The following RIC8B variants were observed in gnomAD, a reference collection of about 807,000 sequenced individuals.
RIC8B encodes chaperone Ric-8B.
Under a neutral mutation model 57.5 loss-of-function variants are expected in RIC8B, and 16 were observed. That is an observed-to-expected ratio of 0.28 (90% CI 0.19 to 0.42). RIC8B has a LOEUF of 0.42. Ranked by LOEUF, RIC8B falls within the 10% of genes least tolerant of loss-of-function variation. The pLI, the probability that RIC8B is intolerant of heterozygous loss-of-function variation, is 1.00. For synonymous variants in RIC8B, 216 were observed against 250.8 expected (o/e 0.86, Z 1.31); for missense variants, 481 against 677.0 (o/e 0.71, Z 3.21).
rs553259321 is a variant in RIC8B, at chr12:106,778,364, A to G, written c.84+3535A>G. Among the ~76,000 whole-genome samples, 3 of 152,334 alleles carry G rather than the reference A, an allele frequency of 2.0e-5. No homozygotes were observed. In the East Asian group the frequency reaches 5.8e-4, roughly 29 times the overall value. ...GAGAGAGGAAATATGTATCTATCCC[A>G]GAAAGAATGAAACTTGTCTGTTTGT... On this transcript the variant is annotated intron_variant, in intron 1 of 9. Coordinates refer to ENST00000392837, the MANE Select transcript of RIC8B (RefSeq NM_001330145.2).
In RIC8B at chr12:106,784,063, CTGTGAATGTTTA is replaced by C; in HGVS notation, c.132+24_132+35del. The C allele has an allele frequency of 6.2e-7, 1 of 1,609,960 alleles. No homozygotes were observed. Among genetic ancestry groups the C allele is most frequent in the South Asian group, 1.1e-5 (1 of 90,836 alleles). ...AAGAAAGGTAAGCCTTGGTGTTGCT[CTGTGAATGTTTA>C]TGTGTGTGTGTATTGCATTCATGGA... On this transcript the variant is annotated intron_variant, in intron 2 of 9. Transcript: ENST00000392837.
intron 7 of RIC8B, among the ~76,000 whole-genome samples, chr12:106,852,025 T>G (rs1394496560): frequency 6.6e-6 from 1 of 152,206 alleles, no homozygotes; most frequent in Non-Finnish European, 1.5e-5. Flanking sequence ...CAATCAGTAC[T>G]TACTGAATGT....
chr12:106,873,044 A>G (rs559960584), intron 9 of RIC8B: 2 of 985,414 alleles, frequency 2.0e-6, no homozygotes, highest in South Asian at 4.7e-5. Context: ...GAATCCACAT[A>G]TTCTAGAAGC....
At chr12:106,784,095 C>T in intron 2 of RIC8B, 51 bp downstream of exon 2, 1 of 1,479,954 alleles carries the variant, frequency 6.8e-7, no homozygotes, top group Non-Finnish European at 9.4e-7. Flanking sequence ...GTATTGCATT[C>T]ATGGACTTTC....
At chr12:106,885,872 T>A (rs1420782376) in intron 9 of RIC8B, 32 bp from the exon 10 acceptor site, 1 of 1,463,196 alleles carries the variant, frequency 6.8e-7, no homozygotes, top group Admixed American at 1.7e-5. Context: ...GGTGAATACT[T>A]TTTTTTCTCT....
At chr12:106,845,514 C>T (rs1393484657) in intron 6 of RIC8B, among the ~76,000 whole-genome samples, 3 of 152,230 alleles carry the variant, frequency 2.0e-5, no homozygotes, top group Admixed American at 6.5e-5. Context: ...ATTGCTACTT[C>T]TGTGGCCAGC....
chr12:106,830,570 G>A (rs1327029697), intron 4 of RIC8B, among the ~76,000 whole-genome samples: 1 of 152,146 alleles, frequency 6.6e-6, no homozygotes, highest in Non-Finnish European at 1.5e-5. Context: ...GGTTTGGATT[G>A]GTTTTGTTGT....
chr12:106,842,838 G>A, intron 5 of RIC8B, 21 bp downstream of exon 5: 1 of 1,464,016 alleles, frequency 6.8e-7, no homozygotes, highest in Non-Finnish European at 9.5e-7. Context: ...TAAAATGGAA[G>A]CCCTGGGAAG....
chr12:106,853,917 T>C (rs1949602903), intron 7 of RIC8B, among the ~76,000 whole-genome samples: 1 of 152,204 alleles, frequency 6.6e-6, no homozygotes, highest in South Asian at 2.1e-4. Context: ...CATGTATTAC[T>C]TACTTTTTTA....
chr12:106,851,709 G>T (rs1305645950), intron 7 of RIC8B, 115 bp downstream of exon 7: 5 of 895,308 alleles, frequency 5.6e-6, no homozygotes, highest in Non-Finnish European at 8.3e-6. Context: ...CTTACTGTCT[G>T]TTCTATTAGA....
rs1950211002 is a variant in RIC8B at position 106,867,981 on chromosome 12, A to C, written c.1452-2842A>C. On this transcript the variant is annotated intron_variant, in intron 8 of 9. Transcript: ENST00000392837. The surrounding 1 kb of genome is among the most constrained non-coding windows in gnomAD (Gnocchi z 4.3). ...ATTTCTGCCTTCTGCTTTTATACTC[A>C]GATAGCAAGAATTGTGTTACTTTAG... Among the ~76,000 whole-genome samples the C allele has an allele frequency of 6.6e-6, 1 of 152,104 alleles. No individual in the cohort carries two copies. Among genetic ancestry groups the C allele is most frequent in the Non-Finnish European group, 1.5e-5 (1 of 68,032 alleles).
chr12:106,791,534 C>T lies in RIC8B; in HGVS notation c.132+7490C>T, dbSNP rs182954937. ...TTTGGGGCAGTATTATCGGCAGAGC[C>T]AGTTTATGGAGTGAAATATATATAA... is the stretch of plus-strand genomic sequence containing the variant. On this transcript the variant is annotated intron_variant, in intron 2 of 9. Transcript: ENST00000392837. Among the ~76,000 whole-genome samples, 766 of 152,242 alleles carry T rather than the reference C, an allele frequency of 5.0e-3. 5 individuals carry two copies. The highest frequency in any genetic ancestry group is 0.017 in the African/African-American group (716 of 41,536).
At chr12:106,878,948 G>T in intron 9 of RIC8B, 1 of 984,494 alleles carries the variant, frequency 1.0e-6, no homozygotes, top group Non-Finnish European at 1.2e-6. Context: ...TTTATCAAAA[G>T]AGCAGACTGG....
chr12:106,880,073 T>G (rs1950850951), intron 9 of RIC8B: 1 of 466,916 alleles, frequency 2.1e-6, no homozygotes, highest in Admixed American at 6.4e-5. Context: ...AGATAGGACC[T>G]TCATAATTTA....
chr12:106,830,730 G>A (rs2046318709), intron 4 of RIC8B, among the ~76,000 whole-genome samples: 1 of 152,040 alleles, frequency 6.6e-6, no homozygotes, highest in Admixed American at 6.6e-5. Context: ...TTCCCAGACT[G>A]CCCGATTTAA....
chr12:106,824,934 A>C (rs554017945), intron 3 of RIC8B, among the ~76,000 whole-genome samples: 1 of 152,224 alleles, frequency 6.6e-6, no homozygotes, highest in African/African-American at 2.4e-5. Flanking sequence ...AAGTTTTATA[A>C]TTTTTTAGTA....
intron 6 of RIC8B, among the ~76,000 whole-genome samples, chr12:106,849,971 G>A (rs1949392226): frequency 6.6e-6 from 1 of 152,228 alleles, no homozygotes; most frequent in African/African-American, 2.4e-5. Flanking sequence ...CCCAGGGCCT[G>A]ATCCATGGCC....
chr12:106,816,316 G>A (rs1020583862), intron 3 of RIC8B, among the ~76,000 whole-genome samples: 1 of 152,166 alleles, frequency 6.6e-6, no homozygotes, highest in Non-Finnish European at 1.5e-5. Flanking sequence ...TCAGTGCATT[G>A]TTATAGGGGG....
At chr12:106,811,617 T>A (rs2136274275) in intron 2 of RIC8B, among the ~76,000 whole-genome samples, 1 of 152,148 alleles carries the variant, frequency 6.6e-6, no homozygotes, top group Admixed American at 6.5e-5. Flanking sequence ...GAAGGAACAG[T>A]GGAGGAAAGA....
Sources: gnomAD v4.1 joint callset for allele counts (sites outside exome capture counted in the v4.1 genomes callset) on GRCh38, gnomAD v4.1.1 for gene constraint, Gnocchi (gnomAD v3.1) non-coding constraint, MANE v1.5 for transcripts, NCBI Gene and HGNC (gene_info 2026-07-23, HGNC 2026-07-21) for gene names.